CPSF3: variants seen among roughly 807,000 people sequenced by gnomAD.
The protein encoded by CPSF3 is cleavage and polyadenylation specificity factor subunit 3.
CPSF3 carries 57 observed loss-of-function variants against 84.1 expected under a neutral mutation model. That is an observed-to-expected ratio of 0.68 (90% CI 0.55 to 0.85). The LOEUF is 0.85. Among genes scored for constraint, CPSF3 ranks in the 40% least tolerant of loss-of-function variants. The pLI is 0.00. For missense variants in CPSF3, 522 were observed against 838.8 expected, an observed-to-expected ratio of 0.62 and a Z score of 4.66; for synonymous variants, 275 against 278.1, an observed-to-expected ratio of 0.99 and a Z score of 0.11.
chr2:9,433,869 A>G lies in CPSF3; in HGVS notation c.520-2A>G. 6.3e-7 allele frequency: 1 copy of G among 1,599,754 alleles called. No individual in the cohort carries two copies. On this transcript the variant is annotated splice_acceptor_variant, in intron 5 of 17. Transcript: ENST00000238112. LOFTEE classifies it high-confidence loss of function. ...AACTTTCTAGTTTTATCTTTTTCAC[A>G]GCTTTTGTACACTGGTGATTTCTCA...
intron 15 of CPSF3, among the ~76,000 whole-genome samples, chr2:9,463,081 A>G (rs1055326966): frequency 6.6e-6 from 1 of 152,200 alleles, no homozygotes; most frequent in African/African-American, 2.4e-5. Context: ...AACAAAGCAA[A>G]CAGATCTGCC....
In CPSF3 at chr2:9,453,007, C is replaced by T; in HGVS notation, c.1490C>T (p.Pro497Leu). Residue 497 changes from proline to leucine, a missense_variant, in exon 12 of 18, where the codon CCT becomes CTT. By Grantham distance (98) the Pro-to-Leu change is moderately conservative. Coordinates refer to ENST00000238112, the MANE Select transcript of CPSF3 (RefSeq NM_016207.4). The part of the protein sequence containing the change: ...KRNFNYHILS[P>L]CDLSNYTDLA... ...AACTTTAATTATCACATACTTTCTC[C>T]TTGCGACCTGTCCAGTAAGTATACT... The T allele has an allele frequency of 1.9e-6, 3 of 1,601,080 alleles. No homozygotes were observed. The highest frequency in any genetic ancestry group is 1.3e-5 in the African/African-American group (1 of 74,606).
At chr2:9,449,861 T>C (rs768433846) in intron 11 of CPSF3, among the ~76,000 whole-genome samples, 1 of 152,260 alleles carries the variant, frequency 6.6e-6, no homozygotes, top group Non-Finnish European at 1.5e-5. Context: ...GTCAGAAGTC[T>C]GCATCTTTAC....
chr2:9,444,129 T>C (rs527767506), intron 10 of CPSF3, among the ~76,000 whole-genome samples: 2 of 140,772 alleles, frequency 1.4e-5, no homozygotes, highest in East Asian at 2.0e-4. Flanking sequence ...AGTAAATGCT[T>C]AATATATATA....
chr2:9,463,646 T>C (rs544911878), intron 15 of CPSF3, among the ~76,000 whole-genome samples: 6 of 152,366 alleles, frequency 3.9e-5, no homozygotes, highest in South Asian at 4.1e-4. Flanking sequence ...GTGACACTTA[T>C]GCTGCTCATG....
At chr2:9,452,325 CAA>C (rs58267919) in intron 11 of CPSF3, among the ~76,000 whole-genome samples, 8,038 of 72,706 alleles carry the variant, frequency 0.11, 659 homozygotes, top group African/African-American at 0.27. Flanking sequence ...GACACTGTCT[CAA>C]AAAAAAAAAA....
intron 15 of CPSF3, among the ~76,000 whole-genome samples, chr2:9,466,360 ACACG>A (rs1361154190): frequency 9.6e-5 from 14 of 145,798 alleles, no homozygotes; most frequent in South Asian, 2.2e-4. Context: ...GCGCACACAC[ACACG>A]CACACACCCA....
In CPSF3 at chr2:9,440,660, C is replaced by T. The variant is rs1680936755; in HGVS notation, c.930C>T (p.Asn310=). ...NNPFVFKHIS[N]LKSMDHFDDI... ...CCTTTGTTTTCAAACACATTAGTAA[C>T]CTCAAGGTGAGTGCTTGTGGAAGAA... Residue 310 remains asparagine (N), a synonymous_variant, in exon 8 of 18, where the codon AAC becomes AAT. Transcript: ENST00000238112. The T allele has an allele frequency of 3.1e-6, 5 of 1,614,010 alleles. No homozygotes were observed. In the African/African-American group the frequency reaches 4.0e-5, roughly 13 times the overall value.
chr2:9,434,578 A>C (rs1003064791), intron 6 of CPSF3, among the ~76,000 whole-genome samples: 3 of 152,184 alleles, frequency 2.0e-5, no homozygotes, highest in Admixed American at 1.3e-4. Flanking sequence ...ATGTAGAAGA[A>C]CATCTTACGG....
chr2:9,442,671 C>T (rs188429467), intron 9 of CPSF3, among the ~76,000 whole-genome samples: 21 of 151,778 alleles, frequency 1.4e-4, no homozygotes, highest in African/African-American at 4.8e-4. Flanking sequence ...GCCAACATGG[C>T]GAAACCCCGT....
intron 10 of CPSF3, among the ~76,000 whole-genome samples, chr2:9,444,299 T>C (rs1681056435): frequency 6.6e-6 from 1 of 151,636 alleles, no homozygotes; most frequent in African/African-American, 2.4e-5. Flanking sequence ...GGCTAATTTT[T>C]GTATTTTTAG....
chr2:9,427,921 A>T (rs2148933167), intron 1 of CPSF3, among the ~76,000 whole-genome samples: 1 of 152,292 alleles, frequency 6.6e-6, no homozygotes, highest in East Asian at 1.9e-4. Flanking sequence ...TTGGTATAAA[A>T]TATGCTGAAA....
rs199913516 is a variant in CPSF3 at position 9,448,252 on chromosome 2, C to G, written c.1297C>G (p.Arg433Gly). 2.5e-6 allele frequency: 4 copies of G among 1,611,576 alleles called. No homozygotes were observed. The highest frequency in any genetic ancestry group is 2.5e-6 in the Non-Finnish European group (3 of 1,178,022). The change falls in exon 11 of 18, where the codon CGA becomes GGA. Residue 433 changes from arginine (R) to glycine (G), a missense_variant. Transcript: ENST00000238112. ...EMARLKAALIREYEDNDEVHI... is the reference protein window; with the variant it reads ...EMARLKAALIGEYEDNDEVHI... ...GGCCAGATTGAAAGCAGCACTGATT[C>G]GAGAATATGAAGATAACGATGAAGT...
intron 15 of CPSF3, among the ~76,000 whole-genome samples, chr2:9,463,628 TG>T (rs1681807006): frequency 6.6e-6 from 1 of 152,232 alleles, no homozygotes; most frequent in Non-Finnish European, 1.5e-5. Flanking sequence ...TTGCAAGAAC[TG>T]GTACATGTGA....
intron 7 of CPSF3, among the ~76,000 whole-genome samples, chr2:9,437,519 A>G (rs554335269): frequency 2.0e-5 from 3 of 152,326 alleles, no homozygotes; most frequent in South Asian, 4.1e-4. Context: ...GAGGATATGG[A>G]TGATATTTTT....
Position 9,467,880 on chromosome 2 carries a change from A to G in CPSF3, c.1856+104A>G, listed in dbSNP as rs566798344. The G allele has an allele frequency of 1.8e-4, 160 of 866,562 alleles. 1 individual carries two copies. The highest frequency in any genetic ancestry group is 6.9e-5 in the Non-Finnish European group (37 of 535,610). 53.7% of individuals were successfully genotyped at this position (866,562 alleles called of 1,614,324 possible). A position where few individuals can be genotyped will look rare whatever the true frequency, so the allele number is the denominator to read the frequency against. On this transcript the variant is annotated intron_variant, in intron 16 of 17. Coordinates refer to ENST00000238112, the MANE Select transcript of CPSF3 (RefSeq NM_016207.4). Reference sequence around the variant, plus strand: ...CAAGGACTGGGGCGTGGCTCTGGCCAGGCCACTGCCATGCTCGGAGGCCTG... The same window carrying G: ...CAAGGACTGGGGCGTGGCTCTGGCCGGGCCACTGCCATGCTCGGAGGCCTG...
chr2:9,460,801 T>C (rs1170773797), intron 15 of CPSF3, among the ~76,000 whole-genome samples: 2 of 151,898 alleles, frequency 1.3e-5, no homozygotes, highest in African/African-American at 4.8e-5. Context: ...CATAAGCCAC[T>C]GTACCCAGCT....
chr2:9,431,852 G>C (rs2148935855), intron 4 of CPSF3, among the ~76,000 whole-genome samples: 1 of 152,096 alleles, frequency 6.6e-6, no homozygotes, highest in Non-Finnish European at 1.5e-5. Context: ...CACCCAGCCG[G>C]GAGATAAATA....
At chr2:9,456,906 C>A in intron 13 of CPSF3, 27 bp from the exon 14 acceptor site, 1 of 1,334,730 alleles carries the variant, frequency 7.5e-7, no homozygotes, top group African/African-American at 1.5e-5. Context: ...AAAGTATATA[C>A]ATCTTATAGT....
Sources: allele counts gnomAD v4.1 joint callset (sites outside exome capture counted in the v4.1 genomes callset), GRCh38; gene constraint gnomAD v4.1.1; transcripts MANE v1.5; gene names NCBI Gene and HGNC (gene_info 2026-07-23, HGNC 2026-07-21).